Variants in PALLD observed in about 807,000 individuals in gnomAD.
PALLD encodes the protein palladin, cytoskeletal associated protein.
PALLD carries 61 observed loss-of-function variants against 123.5 expected under a neutral mutation model. The ratio of observed to expected loss-of-function variants is 0.49; its 90% CI spans 0.40 to 0.61. The LOEUF (loss-of-function observed/expected upper bound fraction) is 0.61. Ranked by LOEUF, PALLD falls within the 20% of genes least tolerant of loss-of-function variation. PALLD has a pLI of 0.00. For synonymous variants in PALLD, 465 were observed against 496.4 expected (o/e 0.94, Z 0.84); for missense variants, 1,273 against 1,377.0 (o/e 0.92, Z 1.20).
chr4:168,877,729 T>C, intron 10 of PALLD: 1 of 1,150,096 alleles, frequency 8.7e-7, no homozygotes, highest in Non-Finnish European at 1.1e-6. Flanking sequence ...CCAGGGACCC[T>C]CTGAAGCTCC....
At chr4:168,757,275 A>G (rs1180276860) in intron 10 of PALLD, among the ~76,000 whole-genome samples, 1 of 152,238 alleles carries the variant, frequency 6.6e-6, no homozygotes, top group African/African-American at 2.4e-5. Context: ...AAAATTTTAG[A>G]TAACTTCTAA....
At chr4:168,586,762 A>G (rs1770861850) in intron 2 of PALLD, among the ~76,000 whole-genome samples, 1 of 152,180 alleles carries the variant, frequency 6.6e-6, no homozygotes, top group African/African-American at 2.4e-5. Context: ...TTTAAACATT[A>G]GAGGTCTTTC....
intron 2 of PALLD, among the ~76,000 whole-genome samples, chr4:168,557,996 C>A (rs1181875079): frequency 6.6e-6 from 1 of 152,150 alleles, no homozygotes; most frequent in Non-Finnish European, 1.5e-5. Flanking sequence ...CTAAAACCAG[C>A]TCTTTTTCTC....
At chr4:168,830,371 A>AG (rs397828971) in intron 10 of PALLD, among the ~76,000 whole-genome samples, 1 of 151,506 alleles carries the variant, frequency 6.6e-6, no homozygotes, top group Non-Finnish European at 1.5e-5. Flanking sequence ...ACAAAAAAAA[A>AG]TGTTTTAAAT....
At chr4:168,895,966 T>C (rs12510446) in intron 12 of PALLD, among the ~76,000 whole-genome samples, 1 of 152,214 alleles carries the variant, frequency 6.6e-6, no homozygotes, top group African/African-American at 2.4e-5. Flanking sequence ...CCCAGCACTT[T>C]GGGAGGCCAA....
chr4:168,778,966 G>T (rs1026600074), intron 10 of PALLD, among the ~76,000 whole-genome samples: 3 of 152,186 alleles, frequency 2.0e-5, no homozygotes, highest in African/African-American at 7.2e-5. Context: ...CCGCCAAAGA[G>T]GTCCTGCTCT....
intron 10 of PALLD, among the ~76,000 whole-genome samples, chr4:168,856,729 A>G (rs1748661486): frequency 6.6e-6 from 1 of 152,268 alleles, no homozygotes; most frequent in Non-Finnish European, 1.5e-5. Context: ...CCAGTAAATA[A>G]TAGAGTCTAA....
intron 10 of PALLD, among the ~76,000 whole-genome samples, chr4:168,787,091 G>C (rs115967274): frequency 6.6e-6 from 1 of 152,084 alleles, no homozygotes; most frequent in Non-Finnish European, 1.5e-5. Flanking sequence ...GGAGATAATG[G>C]CTCTAAATTT....
chr4:168,623,842 C>T (rs535865604), intron 2 of PALLD, among the ~76,000 whole-genome samples: 6 of 152,162 alleles, frequency 3.9e-5, no homozygotes, highest in Admixed American at 3.9e-4. Flanking sequence ...AACACAGTAG[C>T]CACTGTGTAA....
chr4:168,611,408 T>A (rs971470785), intron 2 of PALLD, among the ~76,000 whole-genome samples: 3 of 152,168 alleles, frequency 2.0e-5, no homozygotes, highest in Non-Finnish European at 4.4e-5. Context: ...TTCCATCACA[T>A]CCTGCCGGGG....
chr4:168,791,274 T>G lies in PALLD; in HGVS notation c.1964+79351T>G, dbSNP rs534113069. 2.6e-5 allele frequency among the ~76,000 whole-genome samples: 4 copies of G among 152,328 alleles called. No homozygotes were observed. The East Asian group carries it at 7.7e-4, about 29-fold the overall frequency. On this transcript the variant is annotated intron_variant, in intron 10 of 21. Transcript: ENST00000505667. ...TTCTCCAAAATGATCCCTCTTTTAT[T>G]CCACCACCACCATAAGTCAATCTCT...
At chr4:168,647,230 C>A (rs935766919) in intron 2 of PALLD, among the ~76,000 whole-genome samples, 1 of 152,098 alleles carries the variant, frequency 6.6e-6, no homozygotes, top group Admixed American at 6.5e-5. Context: ...AATATTTTCT[C>A]TGGCATTTAA....
At position 168,924,358 on chromosome 4, in the gene PALLD, A is replaced by T. The variant is rs1762169081; in HGVS notation, c.3162A>T (p.Pro1054=). The T allele has an allele frequency of 6.2e-7, 1 of 1,613,974 alleles. No individual in the cohort carries two copies. The highest frequency in any genetic ancestry group is 8.5e-7 in the Non-Finnish European group (1 of 1,179,888). Residue 1054 remains proline, a synonymous_variant, in exon 19 of 22, where the codon CCA becomes CCT. Coordinates refer to ENST00000505667, the MANE Select transcript of PALLD (RefSeq NM_001166108.2). Reference sequence around the variant, plus strand: ...TGGAATGTCGTGTATTGGGAGTGCCACCACCTCAGATATTTTGGAAGAAAG... The same window carrying T: ...TGGAATGTCGTGTATTGGGAGTGCCTCCACCTCAGATATTTTGGAAGAAAG... ...VRLECRVLGV[P]PPQIFWKKEN...
At chr4:168,882,345 C>T (rs1752722485) in intron 10 of PALLD, among the ~76,000 whole-genome samples, 1 of 152,184 alleles carries the variant, frequency 6.6e-6, no homozygotes, top group African/African-American at 2.4e-5. Context: ...TTAGGTTCAT[C>T]TCAAATAACT....
intron 10 of PALLD, among the ~76,000 whole-genome samples, chr4:168,888,933 G>A (rs114455861): frequency 1.7e-3 from 266 of 152,188 alleles, no homozygotes; most frequent in African/African-American, 5.9e-3. Context: ...TAGGAGGGAC[G>A]GTGGCAGAGT....
At position 168,797,056 on chromosome 4, in the gene PALLD, C is replaced by CT. The variant is rs1738615890; in HGVS notation, c.1964+85136dup. Among the ~76,000 whole-genome samples the CT allele has an allele frequency of 2.0e-5, 3 of 152,288 alleles. No homozygotes were observed. The South Asian group carries it at 6.2e-4, about 32-fold the overall frequency. ...AACTCACCAAATTGAGTTGTCTCTA[C>CT]TTTCCTTTCAAAACTATAACTAAGT... On this transcript the variant is annotated intron_variant, in intron 10 of 21. Transcript: ENST00000505667.
intron 2 of PALLD, among the ~76,000 whole-genome samples, chr4:168,589,136 C>T (rs1193265487): frequency 6.6e-6 from 1 of 152,184 alleles, no homozygotes; most frequent in African/African-American, 2.4e-5. Flanking sequence ...TGTGTCGTTT[C>T]TAAAGTGCTT....
Position 168,673,983 on chromosome 4 carries a change from C to T in PALLD, c.1087+5615C>T, listed in dbSNP as rs112610083. ...AGGCTGGAGTGTAATGCCGCGATCT[C>T]GGCTCACTGCAACCTCCACCTCCTG... On this transcript the variant is annotated intron_variant, in intron 3 of 21. Transcript: ENST00000505667. Among the ~76,000 whole-genome samples, 977 of 152,094 alleles carry T rather than the reference C, an allele frequency of 6.4e-3. 6 individuals are homozygous for T. Among genetic ancestry groups the T allele is most frequent in the African/African-American group, 0.022 (907 of 41,486 alleles).
At chr4:168,845,669 G>A (rs926191939) in intron 10 of PALLD, among the ~76,000 whole-genome samples, 6 of 152,150 alleles carry the variant, frequency 3.9e-5, no homozygotes, top group East Asian at 1.9e-4. Flanking sequence ...CTCAAATACC[G>A]AGGGACAACT....
Sources: gnomAD v4.1 joint callset for allele counts (sites outside exome capture counted in the v4.1 genomes callset) on GRCh38, gnomAD v4.1.1 for gene constraint, MANE v1.5 for transcripts, NCBI Gene and HGNC (gene_info 2026-07-23, HGNC 2026-07-21) for gene names.